Variants in KLHL31 observed in about 807,000 individuals in gnomAD.
The protein encoded by KLHL31 is kelch-like protein 31.
KLHL31 carries 32 observed loss-of-function variants against 47.1 expected under a neutral mutation model. The ratio of observed to expected loss-of-function variants is 0.68; its 90% CI spans 0.51 to 0.91. KLHL31 has a LOEUF of 0.91. Among genes scored for constraint, KLHL31 ranks in the 40% least tolerant of loss-of-function variants. The probability of loss-of-function intolerance (pLI) is 0.00; values close to 1 mark genes in which losing one functional copy is unlikely to be tolerated. For missense variants in KLHL31, 797 were observed against 819.3 expected, an observed-to-expected ratio of 0.97 and a Z score of 0.33; for synonymous variants, 330 against 325.1, an observed-to-expected ratio of 1.01 and a Z score of -0.16.
At chr6:53,658,887 C>G (rs913189263) in intron 1 of KLHL31, among the ~76,000 whole-genome samples, 1 of 152,164 alleles carries the variant, frequency 6.6e-6, no homozygotes, top group Non-Finnish European at 1.5e-5. Flanking sequence ...AATTTTACTA[C>G]TTATCTACCG....
chr6:53,651,878 G>T lies in KLHL31; in HGVS notation c.1625C>A (p.Thr542Asn). Reference sequence around the variant, plus strand: ...CGGCGCCGCGTAGCTCCACTGGCCGGTCGCGGGGCTGTAGCACTCCACGGT... The same window carrying T: ...CGGCGCCGCGTAGCTCCACTGGCCGTTCGCGGGGCTGTAGCACTCCACGGT... ...VLTVECYSPA[T>N]GQWSYAAPLQ... The change falls in exon 3 of 3, where the codon ACC becomes AAC. Residue 542 changes from threonine (T) to asparagine (N), a missense_variant. By Grantham distance (65) the Thr-to-Asn change is moderately conservative. Transcript: ENST00000370905. The T allele has an allele frequency of 2.5e-6, 4 of 1,598,104 alleles. No homozygotes were observed. The highest frequency in any genetic ancestry group is 3.4e-6 in the Non-Finnish European group (4 of 1,176,980).
At position 53,648,614 on chromosome 6, in the gene KLHL31, C is replaced by T. The variant is rs189383677; in HGVS notation, c.*2984G>A. On this transcript the variant is annotated 3_prime_UTR_variant, in exon 3 of 3. Transcript: ENST00000370905. The stretch of plus-strand genomic sequence containing the variant: ...CCTCATGACATCAATTATACCTCCT[C>T]ACTCATAACACTTCACTACCATCTA... 1 of 152,296 alleles carries T rather than the reference C, an allele frequency of 6.6e-6. No individual in the cohort carries two copies. Among genetic ancestry groups the T allele is most frequent in the Non-Finnish European group, 1.5e-5 (1 of 68,008 alleles). 9.4% of individuals were successfully genotyped at this position (152,296 alleles called of 1,614,324 possible).
At chr6:53,656,278 TTAA>T (rs949807481) in intron 1 of KLHL31, among the ~76,000 whole-genome samples, 1 of 152,152 alleles carries the variant, frequency 6.6e-6, no homozygotes, top group Non-Finnish European at 1.5e-5. Flanking sequence ...TTTTTGGAAC[TTAA>T]TAAAATGATT....
chr6:53,659,512 A>G (rs146332068), intron 1 of KLHL31, among the ~76,000 whole-genome samples: 1 of 152,174 alleles, frequency 6.6e-6, no homozygotes, highest in Non-Finnish European at 1.5e-5. Flanking sequence ...TGGTGTTAGA[A>G]TGGGAGGTTT....
Position 53,652,061 on chromosome 6 carries a change from C to T in KLHL31, c.1442G>A (p.Arg481His), listed in dbSNP as rs1303118075. Residue 481 changes from arginine (R) to histidine (H), a missense_variant, in exon 3 of 3, where the codon CGC (arginine) becomes CAC (histidine). Physicochemically the swap from Arg to His is conservative, Grantham distance 29. Transcript: ENST00000370905. ...GGCCGGGTCGTAGGCGCACACAGAG[C>T]GCGAGTAGGCGTTGGCTATGTAGCC... ...TGGYIANAYS[R>H]SVCAYDPASD... The T allele has an allele frequency of 6.3e-7, 1 of 1,595,270 alleles. No individual in the cohort carries two copies. Among genetic ancestry groups the T allele is most frequent in the Non-Finnish European group, 8.5e-7 (1 of 1,176,138 alleles).
intron 1 of KLHL31, among the ~76,000 whole-genome samples, chr6:53,663,236 A>G (rs1764672940): frequency 6.6e-6 from 1 of 152,250 alleles, no homozygotes; most frequent in African/African-American, 2.4e-5. Flanking sequence ...TTTTTCTAAC[A>G]TGGGAAGATA....
At chr6:53,662,808 T>C (rs544824270) in intron 1 of KLHL31, among the ~76,000 whole-genome samples, 1 of 152,350 alleles carries the variant, frequency 6.6e-6, no homozygotes, top group South Asian at 2.1e-4. Context: ...TTTTTCCTCA[T>C]CTTTTGTATT....
At chr6:53,658,316 G>A (rs1051399120) in intron 1 of KLHL31, among the ~76,000 whole-genome samples, 1 of 151,976 alleles carries the variant, frequency 6.6e-6, no homozygotes, top group Non-Finnish European at 1.5e-5. Flanking sequence ...GCTTGCAAAT[G>A]CTTATTGTTT....
Position 53,651,630 on chromosome 6 carries a change from T to G in KLHL31, c.1873A>C (p.Ser625Arg). The stretch of plus-strand genomic sequence containing the variant: ...CTGACTGGCACAGAAGATACCGAAC[T>G]GGCCCGGGATTCCCGAGTCACGTTG... ...PNNVTRESRA[S>R]SVSSVPVSI Residue 625 changes from serine (S) to arginine (R), a missense_variant, in exon 3 of 3, where the codon AGT becomes CGT. Coordinates refer to ENST00000370905, the MANE Select transcript of KLHL31 (RefSeq NM_001003760.5). 6.2e-7 allele frequency: 1 copy of G among 1,614,074 alleles called. No individual in the cohort carries two copies. Among genetic ancestry groups the G allele is most frequent in the South Asian group, 1.1e-5 (1 of 91,080 alleles).
chr6:53,657,974 T>A (rs1764588964), intron 1 of KLHL31, among the ~76,000 whole-genome samples: 1 of 152,180 alleles, frequency 6.6e-6, no homozygotes, highest in Non-Finnish European at 1.5e-5. Flanking sequence ...CATCCTTACC[T>A]TGTGAAAATA....
At position 53,655,325 on chromosome 6, in the gene KLHL31, A is replaced by C; in HGVS notation, c.-33-20T>G. On this transcript the variant is annotated intron_variant, in intron 1 of 2. Transcript: ENST00000370905. ...AGCTTGCTAAAAAGAGAAAAAAAAAAACATGGTTTTGTTTTAATTGTGCTT... is the reference window on the plus strand; with the variant it reads ...AGCTTGCTAAAAAGAGAAAAAAAAACACATGGTTTTGTTTTAATTGTGCTT... The C allele has an allele frequency of 1.6e-6, 2 of 1,277,174 alleles. No individual in the cohort carries two copies. Among genetic ancestry groups the C allele is most frequent in the Non-Finnish European group, 2.1e-6 (2 of 944,518 alleles). The allele number at this position is 1,277,174 out of a possible 1,614,324, so 79.1% of individuals were successfully genotyped here. A position where few individuals can be genotyped will look rare whatever the true frequency, so the allele number is the denominator to read the frequency against.
At chr6:53,659,218 T>C (rs1764613006) in intron 1 of KLHL31, among the ~76,000 whole-genome samples, 1 of 152,220 alleles carries the variant, frequency 6.6e-6, no homozygotes, top group Non-Finnish European at 1.5e-5. Flanking sequence ...GACAGTCACA[T>C]AGTGACTCAG....
At chr6:53,652,430 A>C (rs41273882) in intron 2 of KLHL31, 100 bp from the exon 3 acceptor site, 115,183 of 1,485,822 alleles carry the variant, frequency 0.078, 4,766 homozygotes, top group Non-Finnish European at 0.082. Context: ...CTACCCCTGC[A>C]AGGAGGCGAG....
chr6:53,652,097 A>G lies in KLHL31; in HGVS notation c.1406T>C (p.Leu469Pro). 6.3e-7 allele frequency: 1 copy of G among 1,599,924 alleles called. No homozygotes were observed. The highest frequency in any genetic ancestry group is 8.5e-7 in the Non-Finnish European group (1 of 1,177,968). ...HASAVADGRV[L>P]VTGGYIANAY... ...GTTGGCTATGTAGCCTCCGGTCACC[A>G]GCACGCGGCCGTCGGCGACCGCGCT... Residue 469 changes from leucine (L) to proline (P), a missense_variant, in exon 3 of 3, where the codon CTG becomes CCG. Physicochemically the swap from Leu to Pro is moderately conservative, Grantham distance 98. Coordinates refer to ENST00000370905, the MANE Select transcript of KLHL31 (RefSeq NM_001003760.5).
chr6:53,652,028 G>T lies in KLHL31; in HGVS notation c.1475C>A (p.Ser492Ter). Residue 492 changes from serine to a stop codon, truncating the protein, a stop_gained, in exon 3 of 3, where the codon TCG (serine) becomes TAG (stop). Coordinates refer to ENST00000370905, the MANE Select transcript of KLHL31 (RefSeq NM_001003760.5). LOFTEE classifies it high-confidence loss of function. Reference sequence around the variant, plus strand: ...GCTGAGGTTCGGCAGCTCCTGCCACGAGTCGCTGGCCGGGTCGTAGGCGCA... The same window carrying T: ...GCTGAGGTTCGGCAGCTCCTGCCACTAGTCGCTGGCCGGGTCGTAGGCGCA... Reference protein sequence around the residue: ...SVCAYDPASDSWQELPNLSTP... With the variant: ...SVCAYDPASD 3 of 1,592,096 alleles carry T rather than the reference G, an allele frequency of 1.9e-6. No homozygotes were observed. The highest frequency in any genetic ancestry group is 2.6e-6 in the Non-Finnish European group (3 of 1,175,230).
chr6:53,654,169 A>G lies in KLHL31; in HGVS notation c.1104T>C (p.Tyr368=), dbSNP rs766819949. ...QCVAVMDGFL[Y]VAGGEDQNDA... is the part of the protein sequence containing the mutation. ...CATTCTGGTCTTCACCACCGGCTAC[A>G]TAAAGAAATCCATCCATCACAGCCA... Residue 368 remains tyrosine (Y), a synonymous_variant, in exon 2 of 3, where the codon TAT becomes TAC. Transcript: ENST00000370905. 1.2e-6 allele frequency: 2 copies of G among 1,614,016 alleles called. No homozygotes were observed. The highest frequency in any genetic ancestry group is 2.7e-5 in the African/African-American group (2 of 74,936).
At chr6:53,656,122 T>C (rs757780558) in intron 1 of KLHL31, among the ~76,000 whole-genome samples, 1 of 148,516 alleles carries the variant, frequency 6.7e-6, no homozygotes, top group Non-Finnish European at 1.5e-5. Flanking sequence ...GAGATATATA[T>C]ACTTGACTCT....
At chr6:53,660,587 G>A (rs1764630287) in intron 1 of KLHL31, among the ~76,000 whole-genome samples, 2 of 152,200 alleles carry the variant, frequency 1.3e-5, no homozygotes, top group Admixed American at 6.5e-5. Context: ...GCCGAGGCGG[G>A]TGGATCACTT....
At chr6:53,657,924 A>G (rs1015145686) in intron 1 of KLHL31, among the ~76,000 whole-genome samples, 15 of 152,178 alleles carry the variant, frequency 9.9e-5, no homozygotes, top group African/African-American at 3.6e-4. Context: ...TAGCACATAC[A>G]TCCTTCTTCT....
Sources: gnomAD v4.1 joint callset for allele counts (sites outside exome capture counted in the v4.1 genomes callset) on GRCh38, gnomAD v4.1.1 for gene constraint, MANE v1.5 for transcripts, NCBI Gene and HGNC (gene_info 2026-07-23, HGNC 2026-07-21) for gene names.